Variants in NRXN3 observed in about 807,000 individuals in gnomAD.
NRXN3 encodes the protein neurexin III.
A neutral mutation model predicts 137.6 loss-of-function variants in NRXN3; 32 were observed. The observed-to-expected ratio is 0.23, with a 90% confidence interval of 0.18 to 0.31. The LOEUF is 0.31. Ranked by LOEUF, NRXN3 falls within the 10% of genes least tolerant of loss-of-function variation. The pLI is 1.00. For missense variants in NRXN3, 1,574 were observed against 2,062.5 expected (o/e 0.76, Z 4.59); for synonymous variants, 798 against 784.5 (o/e 1.02, Z -0.29).
intron 16 of NRXN3, among the ~76,000 whole-genome samples, chr14:79,531,032 G>GTCC (rs546072564): frequency 9.8e-4 from 149 of 152,246 alleles, no homozygotes; most frequent in African/African-American, 3.1e-3. Flanking sequence ...GTGTTGCAGT[G>GTCC]TCCTCACATT....
At chr14:78,811,074 T>C (rs778987820) in intron 10 of NRXN3, among the ~76,000 whole-genome samples, 3 of 152,096 alleles carry the variant, frequency 2.0e-5, no homozygotes, top group African/African-American at 7.2e-5. Flanking sequence ...ATAGGAAGAA[T>C]AGGCACAAGA....
At chr14:78,380,091 A>G (rs2088755744) in intron 4 of NRXN3, among the ~76,000 whole-genome samples, 2 of 152,170 alleles carry the variant, frequency 1.3e-5, no homozygotes, top group South Asian at 4.1e-4. Flanking sequence ...TAAAAGAAAT[A>G]GAGGAAATAA....
chr14:78,487,531 T>G (rs2095582427), intron 4 of NRXN3, among the ~76,000 whole-genome samples: 1 of 152,244 alleles, frequency 6.6e-6, no homozygotes, highest in Middle Eastern at 3.4e-3. Context: ...TCACTTGAGG[T>G]CAGGAGTTCA....
chr14:79,519,842 G>A lies in NRXN3; in HGVS notation c.3444+52440G>A, dbSNP rs1255031256. On this transcript the variant is annotated intron_variant, in intron 16 of 20. Coordinates refer to ENST00000335750, the MANE Select transcript of NRXN3 (RefSeq NM_001330195.2). ...ATACAGTTACATTTGTGATTATCAT[G>A]TGGATTCTTAAAAAGATTTTTTTAA... is the stretch of plus-strand genomic sequence containing the variant. Among the ~76,000 whole-genome samples the A allele has an allele frequency of 6.5e-5, 9 of 139,132 alleles. No individual in the cohort carries two copies. The East Asian group carries it at 1.7e-3, about 26-fold the overall frequency. 91.3% of individuals were successfully genotyped at this position (139,132 alleles called of 152,430 possible).
intron 1 of NRXN3, among the ~76,000 whole-genome samples, chr14:78,194,765 A>G (rs1462018218): frequency 6.6e-6 from 1 of 152,196 alleles, no homozygotes; most frequent in Non-Finnish European, 1.5e-5. Flanking sequence ...CCAGCATGCT[A>G]GAGTAGATAT....
chr14:79,736,397 T>TTTTTGG (rs1413045224), intron 19 of NRXN3, among the ~76,000 whole-genome samples: 1 of 152,188 alleles, frequency 6.6e-6, no homozygotes, highest in African/African-American at 2.4e-5. Flanking sequence ...AAACTGGTAT[T>TTTTTGG]AGGCTTGTAG....
intron 1 of NRXN3, among the ~76,000 whole-genome samples, chr14:78,183,091 C>T (rs2059952604): frequency 6.6e-6 from 1 of 152,064 alleles, no homozygotes; most frequent in Admixed American, 6.5e-5. Flanking sequence ...CCTGGGAGAA[C>T]CCAGAATAAG....
chr14:78,905,224 C>T (rs1597219032), intron 10 of NRXN3, among the ~76,000 whole-genome samples: 1 of 152,042 alleles, frequency 6.6e-6, no homozygotes, highest in African/African-American at 2.4e-5. Flanking sequence ...ACCCTAGCTA[C>T]TCCACACCTA....
At chr14:78,539,678 T>C (rs2153818694) in intron 4 of NRXN3, among the ~76,000 whole-genome samples, 1 of 152,332 alleles carries the variant, frequency 6.6e-6, no homozygotes, top group African/African-American at 2.4e-5. Flanking sequence ...CTCTTGTTTC[T>C]GTCGTTCTTT....
intron 16 of NRXN3, among the ~76,000 whole-genome samples, chr14:79,495,233 G>A (rs954764933): frequency 1.3e-5 from 2 of 152,096 alleles, no homozygotes; most frequent in Non-Finnish European, 2.9e-5. Flanking sequence ...AACTGAGATC[G>A]CTCCCACTAA....
chr14:79,038,283 A>G (rs1213800456), intron 15 of NRXN3, among the ~76,000 whole-genome samples: 1 of 152,048 alleles, frequency 6.6e-6, no homozygotes, highest in Non-Finnish European at 1.5e-5. Flanking sequence ...TGTGGAATGA[A>G]AAGATAGAGA....
chr14:79,608,842 T>A (rs989941855), intron 16 of NRXN3, among the ~76,000 whole-genome samples: 1 of 151,444 alleles, frequency 6.6e-6, no homozygotes, highest in African/African-American at 2.4e-5. Flanking sequence ...GTCTCAGGAG[T>A]GCAGTGAAAA....
At chr14:79,498,635 C>A (rs1175274378) in intron 16 of NRXN3, among the ~76,000 whole-genome samples, 1 of 152,192 alleles carries the variant, frequency 6.6e-6, no homozygotes, top group Non-Finnish European at 1.5e-5. Context: ...TAGAATCTAC[C>A]TCCCGAATAC....
chr14:79,108,592 C>A (rs951951887), intron 15 of NRXN3, among the ~76,000 whole-genome samples: 3 of 152,114 alleles, frequency 2.0e-5, no homozygotes, highest in East Asian at 1.9e-4. Flanking sequence ...AAAATTAAAA[C>A]TAGTAAATGG....
intron 16 of NRXN3, among the ~76,000 whole-genome samples, chr14:79,594,521 T>G (rs2097842970): frequency 6.6e-6 from 1 of 152,198 alleles, no homozygotes; most frequent in African/African-American, 2.4e-5. Context: ...AAGTAAGTTA[T>G]GATCAAAACT....
intron 10 of NRXN3, among the ~76,000 whole-genome samples, chr14:78,883,912 T>C (rs1212007853): frequency 6.6e-6 from 1 of 152,226 alleles, no homozygotes; most frequent in Non-Finnish European, 1.5e-5. Context: ...ACCCCTTTTA[T>C]AGTTGGATAG....
chr14:79,517,102 C>CCA (rs1555499673), intron 16 of NRXN3, among the ~76,000 whole-genome samples: 5 of 150,770 alleles, frequency 3.3e-5, no homozygotes, highest in African/African-American at 9.8e-5. Flanking sequence ...GCCCCCCCCC[C>CCA]CTCAACGAAT....
chr14:79,740,712 TTATATATATATA>T (rs869216055), intron 19 of NRXN3, among the ~76,000 whole-genome samples: 19 of 16,142 alleles, frequency 1.2e-3, no homozygotes, highest in Admixed American at 3.0e-3. Flanking sequence ...ATTTAGTTTT[TTATATATATATA>T]TATATATATA....
At chr14:79,283,606 G>A (rs938825274) in intron 15 of NRXN3, among the ~76,000 whole-genome samples, 2 of 152,046 alleles carry the variant, frequency 1.3e-5, no homozygotes, top group Admixed American at 6.6e-5. Context: ...AAATTAGGGA[G>A]ACTAAGGCCA....
Sources: gnomAD v4.1 joint callset for allele counts (sites outside exome capture counted in the v4.1 genomes callset) on GRCh38, gnomAD v4.1.1 for gene constraint, MANE v1.5 for transcripts, NCBI Gene and HGNC (gene_info 2026-07-23, HGNC 2026-07-21) for gene names.